Variants in EPS15L1 observed in about 807,000 individuals in gnomAD.
The protein encoded by EPS15L1 is epidermal growth factor receptor substrate 15-like 1.
A neutral mutation model predicts 117.1 loss-of-function variants in EPS15L1; 43 were observed. The ratio of observed to expected loss-of-function variants is 0.37; its 90% confidence interval spans 0.29 to 0.47. The LOEUF is 0.47. Among genes scored for constraint, EPS15L1 ranks in the 20% least tolerant of loss-of-function variants. EPS15L1 has a pLI of 0.99. For missense variants in EPS15L1, 981 were observed against 1,164.0 expected (o/e 0.84, Z 2.29); for synonymous variants, 459 against 470.5 (o/e 0.98, Z 0.32).
intron 22 of EPS15L1, among the ~76,000 whole-genome samples, chr19:16,368,874 C>T (rs1258171875): frequency 6.6e-6 from 1 of 152,236 alleles, no homozygotes; most frequent in Admixed American, 6.5e-5. Context: ...CATACAACTG[C>T]CAGGTTTCTG....
At chr19:16,397,466 G>A (rs2092552413) in intron 16 of EPS15L1, among the ~76,000 whole-genome samples, 1 of 151,872 alleles carries the variant, frequency 6.6e-6, no homozygotes, top group Non-Finnish European at 1.5e-5. Context: ...ACTTGGAAAT[G>A]CCATGAAGAA....
At chr19:16,449,082 TG>T (rs145497697) in intron 1 of EPS15L1, among the ~76,000 whole-genome samples, 1,820 of 152,030 alleles carry the variant, frequency 0.012, 35 homozygotes, top group African/African-American at 0.042. Context: ...CAGACCAGCC[TG>T]GGCAACATAG....
At chr19:16,420,909 C>T (rs2092807302) in intron 10 of EPS15L1, among the ~76,000 whole-genome samples, 1 of 152,248 alleles carries the variant, frequency 6.6e-6, no homozygotes, top group Admixed American at 6.5e-5. Context: ...GCAGGGCCTC[C>T]TGCCCCCGCC....
chr19:16,440,065 C>CT (rs2093015314), intron 4 of EPS15L1, among the ~76,000 whole-genome samples: 1 of 104,026 alleles, frequency 9.6e-6, no homozygotes, highest in Non-Finnish European at 1.9e-5. Context: ...GACTCTGTCT[C>CT]CAAAAAAAAA....
At position 16,441,920 on chromosome 19, in the gene EPS15L1, G is replaced by C; in HGVS notation, c.137C>G (p.Ser46Cys). 6.2e-7 allele frequency: 1 copy of C among 1,614,064 alleles called. No individual in the cohort carries two copies. Among genetic ancestry groups the C allele is most frequent in the Non-Finnish European group, 8.5e-7 (1 of 1,179,926 alleles). ...ASEAALFLKK[S>C]GLSDIILGKI... ...CCCAAGGATAATGTCCGAGAGGCCA[G>C]ACTTCTTTAGAAAAAGCGCAGCTTC... The change falls in exon 3 of 24, where the codon TCT becomes TGT. Residue 46 changes from serine to cysteine, a missense_variant. Physicochemically the swap from Ser to Cys is moderately radical, Grantham distance 112. Coordinates refer to ENST00000455140, the MANE Select transcript of EPS15L1 (RefSeq NM_001258374.3).
chr19:16,367,522 A>AC (rs1414936500), intron 22 of EPS15L1, among the ~76,000 whole-genome samples: 2 of 149,478 alleles, frequency 1.3e-5, no homozygotes, highest in East Asian at 1.9e-4. Context: ...AAAAAAAAAA[A>AC]AAAACTTGGT....
rs1403148063 is a variant in EPS15L1 at position 16,404,721 on chromosome 19, G to A, written c.1295C>T (p.Thr432Ile). ...AGCCTCGAGCTCCTGCAAACTGCTT[G>A]TTTCCCGGTCTAGGTCATTTTGTAA... ...QELQNDLDRE[T>I]SSLQELEAQK... Residue 432 changes from threonine to isoleucine, a missense_variant, in exon 14 of 24, where the codon ACA (threonine) becomes ATA (isoleucine). Coordinates refer to ENST00000455140, the MANE Select transcript of EPS15L1 (RefSeq NM_001258374.3). This position sits in a 1 kb window ranked among gnomAD's most constrained non-coding sequence, Gnocchi z 4.2. The A allele has an allele frequency of 1.2e-6, 2 of 1,614,196 alleles. No homozygotes were observed. The highest frequency in any genetic ancestry group is 4.5e-5 in the East Asian group (2 of 44,870).
intron 8 of EPS15L1, among the ~76,000 whole-genome samples, chr19:16,428,048 A>G (rs2092889848): frequency 6.7e-6 from 1 of 150,020 alleles, no homozygotes; most frequent in Admixed American, 6.7e-5. Flanking sequence ...TAAAAATACA[A>G]AAATGAGGTG....
At chr19:16,364,472 C>T (rs994002111) in intron 22 of EPS15L1, among the ~76,000 whole-genome samples, 3 of 152,198 alleles carry the variant, frequency 2.0e-5, no homozygotes, top group Admixed American at 1.3e-4. Flanking sequence ...CCTCCTACCC[C>T]GACCTCCCCG....
Position 16,403,932 on chromosome 19 carries a change from T to G in EPS15L1, c.1429-2A>C. ...GATTTGCGTTTTCAGTGATGAGATCTGAAATGAGATGTTAAAAGATGTTAA... is the reference window on the plus strand; with the variant it reads ...GATTTGCGTTTTCAGTGATGAGATCGGAAATGAGATGTTAAAAGATGTTAA... On this transcript the variant is annotated splice_acceptor_variant, in intron 14 of 23. Transcript: ENST00000455140. LOFTEE classifies it high-confidence loss of function. The G allele has an allele frequency of 6.2e-7, 1 of 1,612,288 alleles. No individual in the cohort carries two copies. Among genetic ancestry groups the G allele is most frequent in the Non-Finnish European group, 8.5e-7 (1 of 1,178,668 alleles).
chr19:16,444,962 G>A (rs563872018), intron 1 of EPS15L1, among the ~76,000 whole-genome samples: 9 of 152,230 alleles, frequency 5.9e-5, no homozygotes, highest in East Asian at 1.9e-4. Context: ...CAGGTGATCC[G>A]CCTGCTTTGG....
At chr19:16,361,620 G>T in intron 23 of EPS15L1, 159 bp downstream of exon 23, 2 of 1,328,860 alleles carry the variant, frequency 1.5e-6, no homozygotes, top group South Asian at 2.3e-5. Context: ...TTTTCTTACA[G>T]AAGTGGCAGT....
intron 6 of EPS15L1, 130 bp from the exon 7 acceptor site, chr19:16,434,620 G>C (rs1568448564): frequency 1.0e-6 from 1 of 978,134 alleles, no homozygotes; most frequent in South Asian, 1.6e-5. Context: ...AGCACAAAAT[G>C]ATCTTAGAAC....
chr19:16,367,244 C>G (rs576798385), intron 22 of EPS15L1, among the ~76,000 whole-genome samples: 1 of 151,390 alleles, frequency 6.6e-6, no homozygotes, highest in African/African-American at 2.4e-5. Flanking sequence ...CGGGAACTAC[C>G]GGGGACCACA....
intron 8 of EPS15L1, among the ~76,000 whole-genome samples, chr19:16,427,737 C>CA (rs1267924327): frequency 6.6e-6 from 1 of 151,586 alleles, no homozygotes; most frequent in East Asian, 1.9e-4. Flanking sequence ...ATCAAAAATA[C>CA]AAAAAAATTA....
At chr19:16,362,668 C>T (rs751130231) in intron 22 of EPS15L1, among the ~76,000 whole-genome samples, 9 of 151,906 alleles carry the variant, frequency 5.9e-5, no homozygotes, top group Non-Finnish European at 7.4e-5. Context: ...AGCCACCATG[C>T]GTGGCTAATT....
Position 16,403,847 on chromosome 19 carries a change from C to G in EPS15L1, c.1512G>C (p.Glu504Asp). The change falls in exon 15 of 24, where the codon GAG becomes GAC. Residue 504 changes from glutamate to aspartate, a missense_variant. Transcript: ENST00000455140. ...TTTCCTCCTGCTGCAATCGGTTCAGCTCCGACTTGGCTCGGTTCAGATCGT... is the reference window on the plus strand; with the variant it reads ...TTTCCTCCTGCTGCAATCGGTTCAGGTCCGACTTGGCTCGGTTCAGATCGT... ...QEDDLNRAKS[E>D]LNRLQQEETQ... 1 of 1,614,186 alleles carries G rather than the reference C, an allele frequency of 6.2e-7. No individual in the cohort carries two copies. Among genetic ancestry groups the G allele is most frequent in the South Asian group, 1.1e-5 (1 of 91,084 alleles).
At position 16,365,679 on chromosome 19, in the gene EPS15L1, C is replaced by T. The variant is rs1362389136; in HGVS notation, c.2381-3695G>A. On this transcript the variant is annotated intron_variant, in intron 22 of 23. Coordinates refer to ENST00000455140, the MANE Select transcript of EPS15L1 (RefSeq NM_001258374.3). The surrounding 1 kb of genome is among the most constrained non-coding windows in gnomAD (Gnocchi z 4.9). ...TGACCTCAGCCAGTCCCTCGAGCCC[C>T]TGCCTGCTTCTGCCCAGCTTCTCCC... 6.6e-6 allele frequency among the ~76,000 whole-genome samples: 1 copy of T among 152,254 alleles called. No individual in the cohort carries two copies.
intron 1 of EPS15L1, among the ~76,000 whole-genome samples, chr19:16,466,145 C>T (rs530846458): frequency 6.6e-6 from 1 of 152,168 alleles, no homozygotes; most frequent in South Asian, 2.1e-4. Context: ...TGTGCCACCA[C>T]GCCTGGCTAA....
Sources: gnomAD v4.1 joint callset for allele counts (sites outside exome capture counted in the v4.1 genomes callset) on GRCh38, gnomAD v4.1.1 for gene constraint, Gnocchi (gnomAD v3.1) non-coding constraint, MANE v1.5 for transcripts, NCBI Gene and HGNC (gene_info 2026-07-23, HGNC 2026-07-21) for gene names.